DHRS9: variants seen among roughly 807,000 people sequenced by gnomAD.
DHRS9 encodes dehydrogenase/reductase SDR family member 9.
A neutral mutation model predicts 26.6 loss-of-function variants in DHRS9; 18 were observed. That is an observed-to-expected ratio of 0.68 (90% CI 0.47 to 1.00). The LOEUF (loss-of-function observed/expected upper bound fraction) is 1.00. Ranked by LOEUF, DHRS9 falls within the 50% of genes least tolerant of loss-of-function variation. The pLI, the probability that DHRS9 is intolerant of heterozygous loss-of-function variation, is 0.00. For missense variants in DHRS9, 425 were observed against 378.7 expected (o/e 1.12, Z -1.01); for synonymous variants, 134 against 141.1 (o/e 0.95, Z 0.36).
At chr2:169,070,790 C>A (rs544819869) in intron 1 of DHRS9, 9 of 984,222 alleles carry the variant, frequency 9.1e-6, no homozygotes, top group Non-Finnish European at 1.1e-5. Flanking sequence ...CCTGGCCGGG[C>A]GCGGTGGCTC....
intron 4 of DHRS9, among the ~76,000 whole-genome samples, chr2:169,093,756 C>G (rs1684607726): frequency 6.6e-6 from 1 of 152,142 alleles, no homozygotes; most frequent in Admixed American, 6.5e-5. Context: ...GGAGATCAGC[C>G]AAAGTCACGG....
At chr2:169,069,298 C>T (rs1486826948), upstream of DHRS9, among the ~76,000 whole-genome samples, 1 of 152,090 alleles carries the variant, frequency 6.6e-6, no homozygotes, top group Non-Finnish European at 1.5e-5. Flanking sequence ...AGGCAGTTTA[C>T]AAAATATTTA....
chr2:169,093,344 G>GCA (rs1283094398), intron 4 of DHRS9, among the ~76,000 whole-genome samples: 3 of 109,028 alleles, frequency 2.8e-5, no homozygotes, highest in African/African-American at 9.3e-5. Flanking sequence ...ACACACACAC[G>GCA]CACACACACA....
intron 2 of DHRS9, 60 bp downstream of exon 2, chr2:169,081,954 G>C (rs975004381): frequency 2.0e-6 from 3 of 1,490,254 alleles, no homozygotes; most frequent in Non-Finnish European, 2.7e-6. Flanking sequence ...GGTAACCAAA[G>C]CTAAATAAAA....
chr2:169,086,509 G>T (rs1684354999), intron 3 of DHRS9, among the ~76,000 whole-genome samples: 1 of 149,586 alleles, frequency 6.7e-6, no homozygotes, highest in East Asian at 2.0e-4. Context: ...TTCATTTGGT[G>T]AGGTCCTGTT....
chr2:169,080,071 A>C (rs767696301), intron 1 of DHRS9, among the ~76,000 whole-genome samples: 6 of 151,372 alleles, frequency 4.0e-5, no homozygotes, highest in Non-Finnish European at 5.9e-5. Context: ...CAAAGTCTAT[A>C]AACTCGCTTG....
At chr2:169,067,083 G>A (rs1428364831), upstream of DHRS9, 3 of 1,529,022 alleles carry the variant, frequency 2.0e-6, no homozygotes, top group African/African-American at 4.1e-5. Flanking sequence ...CTTCATAGCA[G>A]CTTATAGTCG....
intron 1 of DHRS9, among the ~76,000 whole-genome samples, chr2:169,073,477 A>G (rs541159936): frequency 6.6e-6 from 1 of 152,218 alleles, no homozygotes; most frequent in South Asian, 2.1e-4. Flanking sequence ...GAACTTGAGA[A>G]TCATAGATTT....
chr2:169,072,737 G>A, intron 1 of DHRS9: 1 of 836,236 alleles, frequency 1.2e-6, no homozygotes, highest in Non-Finnish European at 1.4e-6. Flanking sequence ...TTGAATCTTT[G>A]TGATATGGTA....
In DHRS9 at chr2:169,081,800, C is replaced by G. The variant is rs1574028801; in HGVS notation, c.219C>G (p.Thr73=). The stretch of plus-strand genomic sequence containing the variant: ...GATCAACAGCTTTAAAGGCAGAAAC[C>G]TCAGAGAGACTTCGTACTGTGCTTC... ...ESGSTALKAE[T]SERLRTVLLD... The change falls in exon 2 of 5, where the codon ACC becomes ACG. Residue 73 remains threonine (T), a synonymous_variant. Coordinates refer to ENST00000674881, the MANE Select transcript of DHRS9 (RefSeq NM_001376924.1). The G allele has an allele frequency of 6.2e-7, 1 of 1,614,114 alleles. No individual in the cohort carries two copies. The highest frequency in any genetic ancestry group is 2.2e-5 in the East Asian group (1 of 44,884).
At chr2:169,072,338 GCTTTGGTATCGC>G in intron 1 of DHRS9, among the ~76,000 whole-genome samples, 1 of 152,274 alleles carries the variant, frequency 6.6e-6, no homozygotes, top group South Asian at 2.1e-4. Context: ...TGGTTGACTA[GCTTTGGTATCGC>G]TTTCTAAAAG....
At position 169,095,525 on chromosome 2, in the gene DHRS9, T is replaced by C. The variant is rs376278125; in HGVS notation, c.737-19T>C. The C allele has an allele frequency of 1.7e-5, 27 of 1,595,408 alleles. No homozygotes were observed. In the African/African-American group the frequency reaches 3.2e-4, roughly 19 times the overall value. ...TTCCCCTTCTACCAAAGAGTAAATG[T>C]ACTTTTGTCTCTTTTTAGGTCTAGA... On this transcript the variant is annotated intron_variant, in intron 4 of 4. Coordinates refer to ENST00000674881, the MANE Select transcript of DHRS9 (RefSeq NM_001376924.1).
chr2:169,094,205 T>C (rs1014200832), intron 4 of DHRS9, among the ~76,000 whole-genome samples: 3 of 152,226 alleles, frequency 2.0e-5, no homozygotes, highest in Non-Finnish European at 2.9e-5. Flanking sequence ...ATTTTTTTCA[T>C]ATACCTGTTG....
upstream of DHRS9, chr2:169,069,446 C>T: frequency 2.0e-6 from 2 of 985,372 alleles, no homozygotes; most frequent in Non-Finnish European, 2.4e-6. Flanking sequence ...AAACATGCGA[C>T]CTACAGCTTC....
At chr2:169,092,053 C>G in intron 4 of DHRS9, 100 bp downstream of exon 4, 2 of 1,277,758 alleles carry the variant, frequency 1.6e-6, no homozygotes. Context: ...CTGAGTAATA[C>G]CCCAATAAGG....
chr2:169,071,947 T>C (rs554111789), intron 1 of DHRS9, among the ~76,000 whole-genome samples: 5 of 151,766 alleles, frequency 3.3e-5, no homozygotes, highest in African/African-American at 1.2e-4. Flanking sequence ...TTAGTTTATG[T>C]CAATAGGTTC....
chr2:169,071,825 G>A lies in DHRS9; in HGVS notation c.-60+2108G>A, dbSNP rs150456804. ...CAGTCAGACTCTCAAAAAAGCATTC[G>A]TTGCTTAATGCAAGCACATTTAATG... On this transcript the variant is annotated intron_variant, in intron 1 of 4. Transcript: ENST00000674881. Among the ~76,000 whole-genome samples, 439 of 152,016 alleles carry A rather than the reference G, an allele frequency of 2.9e-3. 1 individual carries two copies. Among genetic ancestry groups the A allele is most frequent in the African/African-American group, 9.9e-3 (409 of 41,456 alleles).
chr2:169,073,376 A>G (rs1230069255), intron 1 of DHRS9, among the ~76,000 whole-genome samples: 5 of 152,246 alleles, frequency 3.3e-5, no homozygotes, highest in Non-Finnish European at 7.3e-5. Context: ...TAAGATAAAT[A>G]TTTATAGATC....
At chr2:169,087,810 C>A (rs752009064) in intron 3 of DHRS9, among the ~76,000 whole-genome samples, 9 of 152,146 alleles carry the variant, frequency 5.9e-5, no homozygotes, top group Non-Finnish European at 1.3e-4. Context: ...GGAATAGGGG[C>A]CTCAGGACTC....
Sources: gnomAD v4.1 joint callset for allele counts (sites outside exome capture counted in the v4.1 genomes callset) on GRCh38, gnomAD v4.1.1 for gene constraint, MANE v1.5 for transcripts, NCBI Gene and HGNC (gene_info 2026-07-23, HGNC 2026-07-21) for gene names.